The following ZFHX3 variants were observed in gnomAD, a reference collection of about 807,000 sequenced individuals.
ZFHX3 encodes the protein zinc finger homeobox 3.
A neutral mutation model predicts 279.1 loss-of-function variants in ZFHX3; 42 were observed. The ratio of observed to expected loss-of-function variants is 0.15; its 90% confidence interval spans 0.12 to 0.19. The LOEUF is 0.19. Ranked by LOEUF, ZFHX3 falls within the 10% of genes least tolerant of loss-of-function variation. The pLI is 1.00. For synonymous variants in ZFHX3, 2,293 were observed against 1,957.8 expected (o/e 1.17, Z -4.52); for missense variants, 4,981 against 4,754.0 (o/e 1.05, Z -1.40).
chr16:73,237,290 G>C (rs564410007), intron 5 of ZFHX3, among the ~76,000 whole-genome samples: 1 of 152,220 alleles, frequency 6.6e-6, no homozygotes, highest in East Asian at 1.9e-4. Flanking sequence ...GGGTCTTGCT[G>C]TGTTGTCCAC....
At chr16:73,295,088 G>A (rs972761376) in intron 4 of ZFHX3, among the ~76,000 whole-genome samples, 1 of 151,978 alleles carries the variant, frequency 6.6e-6, no homozygotes, top group East Asian at 2.0e-4. Flanking sequence ...GGTGGCAGGT[G>A]CCTGTAGTCT....
At chr16:72,999,347 A>G (rs1029065097) in intron 1 of ZFHX3, among the ~76,000 whole-genome samples, 4 of 152,128 alleles carry the variant, frequency 2.6e-5, no homozygotes, top group African/African-American at 9.7e-5. Flanking sequence ...TAGTAGATAC[A>G]GGGTTTCGCA....
intron 2 of ZFHX3, among the ~76,000 whole-genome samples, chr16:73,484,459 C>T (rs2018936731): frequency 6.6e-6 from 1 of 152,156 alleles, no homozygotes; most frequent in Admixed American, 6.5e-5. Context: ...AATTCCATGT[C>T]CCTGGGAGCT....
chr16:72,983,483 G>C (rs1597053119), intron 1 of ZFHX3, among the ~76,000 whole-genome samples: 1 of 152,178 alleles, frequency 6.6e-6, no homozygotes, highest in Non-Finnish European at 1.5e-5. Flanking sequence ...GAGGCGGGAG[G>C]ATCACTTGAG....
At chr16:73,300,335 T>G (rs962692076) in intron 4 of ZFHX3, among the ~76,000 whole-genome samples, 1 of 151,360 alleles carries the variant, frequency 6.6e-6, no homozygotes, top group Non-Finnish European at 1.5e-5. Context: ...ATGAGGCCAT[T>G]ATAAGGATGA....
chr16:73,439,432 A>G (rs1258324667), intron 3 of ZFHX3, among the ~76,000 whole-genome samples: 1 of 152,024 alleles, frequency 6.6e-6, no homozygotes, highest in African/African-American at 2.4e-5. Flanking sequence ...AATCACGGAC[A>G]TGGAATCCTC....
chr16:72,836,576 T>C (rs2037197597), intron 4 of ZFHX3, among the ~76,000 whole-genome samples: 1 of 152,170 alleles, frequency 6.6e-6, no homozygotes, highest in Non-Finnish European at 1.5e-5. Context: ...TAAAGGTGAC[T>C]GCATGTTCTC....
At chr16:73,000,747 A>G (rs1216989234) in intron 1 of ZFHX3, among the ~76,000 whole-genome samples, 2 of 152,160 alleles carry the variant, frequency 1.3e-5, no homozygotes, top group Non-Finnish European at 2.9e-5. Flanking sequence ...GCCTAACTGG[A>G]AAAGGACAGC....
At chr16:72,902,625 A>G (rs1302703320) in intron 3 of ZFHX3, among the ~76,000 whole-genome samples, 1 of 152,150 alleles carries the variant, frequency 6.6e-6, no homozygotes, top group Non-Finnish European at 1.5e-5. Context: ...GCTTTCCTTA[A>G]TTGTCCAGCA....
At chr16:73,131,955 T>C (rs1484733640) in intron 6 of ZFHX3, among the ~76,000 whole-genome samples, 1 of 152,114 alleles carries the variant, frequency 6.6e-6, no homozygotes, top group Non-Finnish European at 1.5e-5. Flanking sequence ...ACAGAGATGC[T>C]AGGTATTATT....
chr16:73,501,653 C>G (rs569437201), intron 2 of ZFHX3, among the ~76,000 whole-genome samples: 1 of 152,292 alleles, frequency 6.6e-6, no homozygotes, highest in East Asian at 1.9e-4. Flanking sequence ...GCTGAAGACA[C>G]CACAACATTT....
In ZFHX3 at chr16:72,796,407, A is replaced by G. The variant is rs1315564329; in HGVS notation, c.6275T>C (p.Met2092Thr). 23 of 1,612,370 alleles carry G rather than the reference A, an allele frequency of 1.4e-5. No homozygotes were observed. The highest frequency in any genetic ancestry group is 1.9e-5 in the Non-Finnish European group (23 of 1,180,016). ...CAGCGGCGAGAAGATGGGCAGCTCCATCGGCATGGAGAGCTGGGTGAGCGG... is the reference window on the plus strand; with the variant it reads ...CAGCGGCGAGAAGATGGGCAGCTCCGTCGGCATGGAGAGCTGGGTGAGCGG... ...SVPLTQLSMP[M>T]ELPIFSPLMM... Residue 2092 changes from methionine (M) to threonine (T), a missense_variant, in exon 9 of 10, where the codon ATG (methionine) becomes ACG (threonine). Transcript: ENST00000268489.
In ZFHX3 at chr16:72,794,499, G is replaced by T; in HGVS notation, c.8183C>A (p.Ala2728Asp). ...ALFKAKTALEAHIRSRHWHEA... is the reference protein window; with the variant it reads ...ALFKAKTALEDHIRSRHWHEA... Reference sequence around the variant, plus strand: ...ATGCCAGTGACGGGACCGGATATGAGCCTCAAGAGCAGTCTTGGCTTTGAA... The same window carrying T: ...ATGCCAGTGACGGGACCGGATATGATCCTCAAGAGCAGTCTTGGCTTTGAA... The change falls in exon 9 of 10, where the codon GCT becomes GAT. Residue 2728 changes from alanine (A) to aspartate (D), a missense_variant. Around this residue, in one of 7 missense-constraint regions of ZFHX3, gnomAD observed 744 missense variants for 701.3 expected, o/e 1.06. Transcript: ENST00000268489. The surrounding 1 kb of genome is among the most constrained non-coding windows in gnomAD (Gnocchi z 4.2). 6.2e-7 allele frequency: 1 copy of T among 1,614,216 alleles called. No homozygotes were observed. Among genetic ancestry groups the T allele is most frequent in the South Asian group, 1.1e-5 (1 of 91,084 alleles).
intron 2 of ZFHX3, among the ~76,000 whole-genome samples, chr16:73,521,695 TA>T (rs1261869104): frequency 6.6e-6 from 1 of 151,920 alleles, no homozygotes; most frequent in African/African-American, 2.4e-5. Flanking sequence ...TAATTTAAAA[TA>T]AAAAAATTTA....
chr16:73,151,844 C>T (rs1487433151), intron 5 of ZFHX3, among the ~76,000 whole-genome samples: 5 of 146,824 alleles, frequency 3.4e-5, no homozygotes, highest in Admixed American at 1.4e-4. Context: ...TTTCTATTTC[C>T]AGCATTATAT....
chr16:73,112,986 CTT>C (rs754269331), intron 7 of ZFHX3, among the ~76,000 whole-genome samples: 7 of 152,082 alleles, frequency 4.6e-5, no homozygotes, highest in Non-Finnish European at 1.0e-4. Context: ...ACTGGACAAA[CTT>C]TGGCTCTTCA....
At chr16:73,679,280 G>T (rs992403776) in intron 2 of ZFHX3, among the ~76,000 whole-genome samples, 1 of 151,902 alleles carries the variant, frequency 6.6e-6, no homozygotes, top group African/African-American at 2.4e-5. Context: ...TAACAATGTC[G>T]CCATTTTCAA....
At chr16:72,932,708 C>T (rs980463922) in intron 3 of ZFHX3, among the ~76,000 whole-genome samples, 2 of 149,104 alleles carry the variant, frequency 1.3e-5, no homozygotes, top group African/African-American at 4.9e-5. Context: ...AAACCAACAG[C>T]GTGTCAAGTT....
At chr16:73,329,028 A>G (rs1166373179) in intron 3 of ZFHX3, among the ~76,000 whole-genome samples, 1 of 152,248 alleles carries the variant, frequency 6.6e-6, no homozygotes, top group African/African-American at 2.4e-5. Flanking sequence ...GGTCACAGGT[A>G]CATTCAGTTC....
Sources: gnomAD v4.1 joint callset for allele counts (sites outside exome capture counted in the v4.1 genomes callset) on GRCh38, gnomAD v4.1.1 for gene constraint, gnomAD v4.1.1 regional missense constraint, Gnocchi (gnomAD v3.1) non-coding constraint, MANE v1.5 for transcripts, NCBI Gene and HGNC (gene_info 2026-07-23, HGNC 2026-07-21) for gene names.